FARP2: variants seen among roughly 807,000 people sequenced by gnomAD.
The protein encoded by FARP2 is FERM, ARH/RhoGEF and pleckstrin domain protein 2.
A neutral mutation model predicts 130.5 loss-of-function variants in FARP2; 111 were observed. That is an observed-to-expected ratio of 0.85 (90% CI 0.73 to 1.00). FARP2 has a LOEUF of 1.00. FARP2 is among the 50% of genes least tolerant of loss of function. The pLI, the probability that FARP2 is intolerant of heterozygous loss-of-function variation, is 0.00. For synonymous variants in FARP2, 504 were observed against 516.9 expected (o/e 0.98, Z 0.34); for missense variants, 1,385 against 1,346.3 (o/e 1.03, Z -0.45).
intron 19 of FARP2, among the ~76,000 whole-genome samples, chr2:241,480,260 T>C (rs1010183349): frequency 2.0e-5 from 3 of 152,242 alleles, no homozygotes; most frequent in African/African-American, 7.2e-5. Context: ...ATCTTCTTCT[T>C]TGCCAATAAC....
intron 12 of FARP2, among the ~76,000 whole-genome samples, chr2:241,438,681 G>A (rs1050420842): frequency 8.7e-5 from 13 of 149,196 alleles, no homozygotes; most frequent in African/African-American, 3.2e-4. Flanking sequence ...CCAGGCTGGA[G>A]TGCAGTGGCG....
chr2:241,465,876 G>A, intron 17 of FARP2: 1 of 1,470,986 alleles, frequency 6.8e-7, no homozygotes. Context: ...GTTCTGTGTT[G>A]AGATAGCCCC....
At chr2:241,358,219 G>A (rs1043919706) in intron 1 of FARP2, among the ~76,000 whole-genome samples, 4 of 152,136 alleles carry the variant, frequency 2.6e-5, no homozygotes, top group African/African-American at 7.2e-5. Flanking sequence ...AAAAAAAGCT[G>A]TGTTAACAAG....
intron 5 of FARP2, among the ~76,000 whole-genome samples, chr2:241,408,592 G>A (rs1345194931): frequency 6.6e-6 from 1 of 151,690 alleles, no homozygotes; most frequent in East Asian, 1.9e-4. Flanking sequence ...GGACAGTAAG[G>A]TTATGGAAGG....
intron 2 of FARP2, among the ~76,000 whole-genome samples, chr2:241,389,794 C>T (rs1229819796): frequency 6.6e-6 from 1 of 152,102 alleles, no homozygotes; most frequent in Non-Finnish European, 1.5e-5. Context: ...ATTTGCAGCG[C>T]TTATTCTATT....
chr2:241,366,104 AAT>A (rs1553705629), intron 1 of FARP2, among the ~76,000 whole-genome samples: 2 of 57,000 alleles, frequency 3.5e-5, no homozygotes, highest in African/African-American at 1.3e-4. Context: ...AAAAAAAAAA[AAT>A]ATATATATAT....
chr2:241,492,799 G>A, intron 24 of FARP2, 130 bp from the exon 25 acceptor site: 1 of 623,996 alleles, frequency 1.6e-6, no homozygotes, highest in Non-Finnish European at 2.9e-6. Context: ...GCTGTTCATA[G>A]CAGTCCAGAG....
At chr2:241,454,547 C>T (rs962713054) in intron 13 of FARP2, among the ~76,000 whole-genome samples, 6 of 152,202 alleles carry the variant, frequency 3.9e-5, no homozygotes, top group Non-Finnish European at 7.3e-5. Flanking sequence ...AGCGCATCTT[C>T]GGAAACATGC....
chr2:241,431,686 C>G lies in FARP2; in HGVS notation c.779C>G (p.Thr260Ser). 1.3e-6 allele frequency: 2 copies of G among 1,577,918 alleles called. No homozygotes were observed. The highest frequency in any genetic ancestry group is 1.7e-6 in the Non-Finnish European group (2 of 1,151,084). Residue 260 changes from threonine to serine, a missense_variant, in exon 9 of 27, where the codon ACC becomes AGC. Physicochemically the swap from Thr to Ser is moderately conservative, Grantham distance 58 (BLOSUM62 1). Transcript: ENST00000264042. The stretch of plus-strand genomic sequence containing the variant: ...CTGTCTCTTGCATTTCAGGGCACCA[C>G]CAAAATCAACACTTTCAACTGGTCC... Reference protein sequence around the residue: ...HMGVLVFQGTTKINTFNWSKV... With the variant: ...HMGVLVFQGTSKINTFNWSKV...
chr2:241,413,092 T>C (rs958095150), intron 6 of FARP2, among the ~76,000 whole-genome samples: 4 of 152,198 alleles, frequency 2.6e-5, no homozygotes, highest in African/African-American at 9.7e-5. Context: ...ATCAGGCCTT[T>C]GTTCTTCAAG....
chr2:241,377,333 CTTTT>C (rs1258121395), intron 2 of FARP2, among the ~76,000 whole-genome samples: 3 of 129,716 alleles, frequency 2.3e-5, no homozygotes, highest in Non-Finnish European at 1.6e-5. Context: ...TTGTTGGTTT[CTTTT>C]TTTTTTTTTT....
At chr2:241,448,994 T>G (rs1057242307) in intron 13 of FARP2, among the ~76,000 whole-genome samples, 4 of 152,178 alleles carry the variant, frequency 2.6e-5, no homozygotes, top group Admixed American at 1.3e-4. Flanking sequence ...CCCCTTGCCA[T>G]TAACCATTTT....
At chr2:241,358,342 G>A (rs1181258306) in intron 1 of FARP2, among the ~76,000 whole-genome samples, 1 of 152,238 alleles carries the variant, frequency 6.6e-6, no homozygotes, top group Non-Finnish European at 1.5e-5. Context: ...ACAAAAAACA[G>A]TAGAGAAAAA....
chr2:241,491,104 G>A lies in FARP2; in HGVS notation c.2548G>A (p.Ala850Thr), dbSNP rs777762724. 34 of 1,613,406 alleles carry A rather than the reference G, an allele frequency of 2.1e-5. No homozygotes were observed. The highest frequency in any genetic ancestry group is 8.9e-5 in the East Asian group (4 of 44,884). ...KEKWMLDLNS[A>T]IQAAKSGGDT... ...GAAGTGGATGCTGGACCTGAACTCC[G>A]CGATCCAAGCAGCCAAGAGTGGCGG... is the stretch of plus-strand genomic sequence containing the variant. Residue 850 changes from alanine to threonine, a missense_variant, in exon 23 of 27, where the codon GCG (alanine) becomes ACG (threonine). By Grantham distance (58) the Ala-to-Thr change is moderately conservative (BLOSUM62 0). Transcript: ENST00000264042.
chr2:241,415,989 CTGTGTGTGTG>C (rs57774022), intron 7 of FARP2, among the ~76,000 whole-genome samples: 94 of 141,790 alleles, frequency 6.6e-4, no homozygotes, highest in South Asian at 6.2e-3. Flanking sequence ...CAGGGTAGTT[CTGTGTGTGTG>C]TGTGTGTGTG....
Position 241,442,403 on chromosome 2 carries a change from C to G in FARP2, c.1411+847C>G, listed in dbSNP as rs369945778. 54 of 456,624 alleles carry G rather than the reference C, an allele frequency of 1.2e-4. 2 individuals carry two copies. Among genetic ancestry groups the G allele is most frequent in the South Asian group, 7.6e-4 (49 of 64,566 alleles). 28.3% of individuals were successfully genotyped at this position (456,624 alleles called of 1,614,324 possible). A position where few individuals can be genotyped will look rare whatever the true frequency, so the allele number is the denominator to read the frequency against. On this transcript the variant is annotated intron_variant, in intron 13 of 26. Transcript: ENST00000264042. ...GACTCATGGGACTCTGAAACCGAGG[C>G]CCCCCTAGACATAAGCCTTTTCTTC...
chr2:241,412,065 C>T (rs141848229), intron 6 of FARP2, among the ~76,000 whole-genome samples: 11 of 152,082 alleles, frequency 7.2e-5, no homozygotes, highest in Admixed American at 7.2e-4. Context: ...GACTAGGGTC[C>T]ACATCTGGGA....
intron 3 of FARP2, 105 bp downstream of exon 3, chr2:241,404,037 T>G (rs1425190601): frequency 1.5e-6 from 1 of 653,340 alleles, no homozygotes; most frequent in Non-Finnish European, 2.8e-6. Flanking sequence ...ATGTTTTTGC[T>G]ATTAAAATAT....
intron 2 of FARP2, among the ~76,000 whole-genome samples, chr2:241,375,408 CT>C (rs796842402): frequency 1.1e-4 from 17 of 148,304 alleles, no homozygotes; most frequent in Non-Finnish European, 7.5e-5. Context: ...TTTAGAGTGT[CT>C]TTTTTTTTTG....
Sources: gnomAD v4.1 joint callset for allele counts (sites outside exome capture counted in the v4.1 genomes callset) on GRCh38, gnomAD v4.1.1 for gene constraint, MANE v1.5 for transcripts, NCBI Gene and HGNC (gene_info 2026-07-23, HGNC 2026-07-21) for gene names.